Variants in GRID2 observed in about 807,000 individuals in gnomAD.
GRID2 encodes the protein glutamate receptor ionotropic, delta-2.
GRID2 carries 33 observed loss-of-function variants against 114.8 expected under a neutral mutation model. The observed-to-expected ratio is 0.29, with a 90% confidence interval of 0.22 to 0.38. The LOEUF (loss-of-function observed/expected upper bound fraction) is 0.38, where lower values mean the gene tolerates loss of function less well. Ranked by LOEUF, GRID2 falls within the 10% of genes least tolerant of loss-of-function variation. GRID2 has a pLI of 1.00. For synonymous variants in GRID2, 505 were observed against 449.9 expected (o/e 1.12, Z -1.55); for missense variants, 1,184 against 1,257.7 (o/e 0.94, Z 0.89).
At chr4:92,727,108 C>A (rs1736103959) in intron 2 of GRID2, among the ~76,000 whole-genome samples, 1 of 151,900 alleles carries the variant, frequency 6.6e-6, no homozygotes, top group Non-Finnish European at 1.5e-5. Flanking sequence ...GAATTTCTCT[C>A]CAATTAAAGC....
intron 10 of GRID2, among the ~76,000 whole-genome samples, chr4:93,441,395 A>C (rs1007089268): frequency 5.3e-5 from 8 of 152,082 alleles, no homozygotes; most frequent in African/African-American, 1.9e-4. Context: ...AATTATAAAC[A>C]TAGAGAAATA....
intron 1 of GRID2, among the ~76,000 whole-genome samples, chr4:93,789,015 G>C (rs530862884): frequency 6.6e-5 from 10 of 152,178 alleles, no homozygotes; most frequent in African/African-American, 2.4e-4. Flanking sequence ...TGTCTTTAAG[G>C]AACAGAGAAA....
chr4:93,730,615 G>A (rs1730395690), intron 14 of GRID2, among the ~76,000 whole-genome samples: 1 of 152,220 alleles, frequency 6.6e-6, no homozygotes, highest in Non-Finnish European at 1.5e-5. Flanking sequence ...AGATGAGGTA[G>A]ATCAGCACAG....
chr4:92,397,277 TA>T lies in GRID2; in HGVS notation c.88+92535del, dbSNP rs1474107046. Among the ~76,000 whole-genome samples the T allele has an allele frequency of 3.3e-5, 5 of 151,738 alleles. No homozygotes were observed. The East Asian group carries it at 9.6e-4, about 29-fold the overall frequency. On this transcript the variant is annotated intron_variant, in intron 1 of 15. Coordinates refer to ENST00000282020, the MANE Select transcript of GRID2 (RefSeq NM_001510.4). ...GGATTTTTTTTAGTCTCTCTGTTATTAACTATATTAAAAGGAAGAAAAAACA... is the reference window on the plus strand; with the variant it reads ...GGATTTTTTTTAGTCTCTCTGTTATTACTATATTAAAAGGAAGAAAAAACA...
At chr4:92,554,891 T>G (rs962258261) in intron 1 of GRID2, among the ~76,000 whole-genome samples, 2 of 152,142 alleles carry the variant, frequency 1.3e-5, no homozygotes, top group Admixed American at 1.3e-4. Context: ...TTTTCTCACC[T>G]TTTGTCCTTA....
chr4:93,742,347 A>G (rs2110258115), intron 14 of GRID2, among the ~76,000 whole-genome samples: 1 of 152,298 alleles, frequency 6.6e-6, no homozygotes, highest in East Asian at 1.9e-4. Context: ...TGTGAGACTG[A>G]TATATTACTC....
chr4:93,388,739 A>G (rs1764566614), intron 8 of GRID2, among the ~76,000 whole-genome samples: 3 of 152,212 alleles, frequency 2.0e-5, no homozygotes, highest in South Asian at 2.1e-4. Flanking sequence ...AAGCTATGAA[A>G]TTAGCTTCGG....
intron 3 of GRID2, among the ~76,000 whole-genome samples, chr4:93,100,274 A>G (rs1264461931): frequency 6.6e-6 from 1 of 151,898 alleles, no homozygotes. Context: ...TATCAAATAG[A>G]AATTCAATCT....
intron 12 of GRID2, among the ~76,000 whole-genome samples, chr4:93,506,568 T>A (rs950010344): frequency 3.6e-4 from 55 of 152,106 alleles, no homozygotes; most frequent in Non-Finnish European, 1.6e-4. Context: ...AGGGGGAAGA[T>A]GAAAGACTCA....
chr4:92,821,482 A>C (rs139164730), intron 2 of GRID2, among the ~76,000 whole-genome samples: 15 of 152,268 alleles, frequency 9.9e-5, no homozygotes, highest in African/African-American at 3.1e-4. Context: ...GTTTCTCAAA[A>C]GTGTTTAAGA....
intron 2 of GRID2, among the ~76,000 whole-genome samples, chr4:92,943,483 A>T (rs901991142): frequency 3.3e-5 from 5 of 151,658 alleles, no homozygotes; most frequent in Non-Finnish European, 5.9e-5. Flanking sequence ...CATTCATCTA[A>T]TTTTTTTTCA....
intron 9 of GRID2, among the ~76,000 whole-genome samples, chr4:93,415,095 A>G (rs1239048071): frequency 6.6e-6 from 1 of 152,138 alleles, no homozygotes; most frequent in Non-Finnish European, 1.5e-5. Flanking sequence ...TAACAGAAAT[A>G]TGATTCATCA....
At chr4:92,758,706 G>T (rs544581578) in intron 2 of GRID2, among the ~76,000 whole-genome samples, 1 of 152,058 alleles carries the variant, frequency 6.6e-6, no homozygotes, top group Non-Finnish European at 1.5e-5. Context: ...TCAGAATCTG[G>T]TGCTTGATAA....
intron 2 of GRID2, among the ~76,000 whole-genome samples, chr4:92,794,905 T>TATATATATATATACACACAC (rs745392261): frequency 2.0e-4 from 25 of 127,802 alleles, no homozygotes; most frequent in African/African-American, 3.1e-4. Context: ...TATATATATA[T>TATATATATATATACACACAC]ACACACACAC....
At chr4:92,913,151 G>A (rs1380172519) in intron 2 of GRID2, among the ~76,000 whole-genome samples, 2 of 151,684 alleles carry the variant, frequency 1.3e-5, no homozygotes, top group Non-Finnish European at 3.0e-5. Flanking sequence ...AAACTTCTGA[G>A]TATGTATGAA....
chr4:92,576,010 T>C (rs1404184878), intron 1 of GRID2, among the ~76,000 whole-genome samples: 1 of 152,238 alleles, frequency 6.6e-6, no homozygotes, highest in East Asian at 1.9e-4. Flanking sequence ...AGGAACCGCC[T>C]CTGCCCATTG....
chr4:92,309,166 A>G (rs1224968310), intron 1 of GRID2, among the ~76,000 whole-genome samples: 1 of 152,072 alleles, frequency 6.6e-6, no homozygotes, highest in Non-Finnish European at 1.5e-5. Context: ...ATTAAAAAAT[A>G]AAAGCCAATT....
intron 13 of GRID2, among the ~76,000 whole-genome samples, chr4:93,606,360 G>A (rs552215950): frequency 1.2e-3 from 178 of 152,212 alleles, no homozygotes; most frequent in Non-Finnish European, 6.9e-4. Flanking sequence ...TAAGAACCAA[G>A]GGCAAGAAAT....
At chr4:92,346,532 AT>A (rs747136095) in intron 1 of GRID2, among the ~76,000 whole-genome samples, 95 of 151,978 alleles carry the variant, frequency 6.3e-4, no homozygotes, top group Admixed American at 2.5e-3. Context: ...TGCCTGGCCA[AT>A]TTTTGTGTTT....
Sources: allele counts gnomAD v4.1 joint callset (sites outside exome capture counted in the v4.1 genomes callset), GRCh38; gene constraint gnomAD v4.1.1; transcripts MANE v1.5; gene names NCBI Gene and HGNC (gene_info 2026-07-23, HGNC 2026-07-21).